The following LARGE1 variants were observed in gnomAD, a reference collection of about 807,000 sequenced individuals.
LARGE1 encodes xylosyl- and glucuronyltransferase LARGE1.
In LARGE1, 43 loss-of-function variants were observed where a neutral mutation model predicts 87.6. The observed-to-expected ratio is 0.49, with a 90% CI of 0.38 to 0.63. The LOEUF (loss-of-function observed/expected upper bound fraction) is 0.63. Among genes scored for constraint, LARGE1 ranks in the 30% least tolerant of loss-of-function variants. The pLI, the probability that LARGE1 is intolerant of heterozygous loss-of-function variation, is 0.00. For synonymous variants in LARGE1, 434 were observed against 394.6 expected, an observed-to-expected ratio of 1.10 and a Z score of -1.18; for missense variants, 802 against 1,000.2, an observed-to-expected ratio of 0.80 and a Z score of 2.67.
At chr22:33,427,119 G>A (rs1218835049) in intron 7 of LARGE1, among the ~76,000 whole-genome samples, 1 of 152,148 alleles carries the variant, frequency 6.6e-6, no homozygotes, top group East Asian at 1.9e-4. Flanking sequence ...AAAATCCTAG[G>A]TGTATTTTTG....
rs189569624 is a variant in LARGE1, at chr22:33,282,342, T to A, written c.1877+860A>T. Among the ~76,000 whole-genome samples the A allele has an allele frequency of 4.6e-3, 703 of 151,708 alleles. 5 individuals are homozygous for A. The highest frequency in any genetic ancestry group is 0.017 in the African/African-American group (679 of 41,086). ...CCTGGGCAATAAAAGCGAAGCTCTG[T>A]CTCAAAAACAAACAAACAAAACAAA... is the stretch of plus-strand genomic sequence containing the variant. On this transcript the variant is annotated intron_variant, in intron 13 of 14. Coordinates refer to ENST00000397394, the MANE Select transcript of LARGE1 (RefSeq NM_133642.5).
At chr22:33,425,898 G>A (rs983368072) in intron 7 of LARGE1, among the ~76,000 whole-genome samples, 8 of 151,966 alleles carry the variant, frequency 5.3e-5, no homozygotes, top group Non-Finnish European at 7.4e-5. Flanking sequence ...CACCATGACC[G>A]GCTAATTTAT....
chr22:33,136,152 A>G, the LARGE1 span, among the ~76,000 whole-genome samples: 11 of 152,324 alleles, frequency 7.2e-5, no homozygotes, highest in Non-Finnish European at 1.5e-4. Flanking sequence ...TTATAAACCA[A>G]AAGTTCATAT....
chr22:33,417,209 T>C (rs2066531722), intron 7 of LARGE1, among the ~76,000 whole-genome samples: 1 of 152,192 alleles, frequency 6.6e-6, no homozygotes, highest in African/African-American at 2.4e-5. Context: ...CCAGCCTTTC[T>C]TTTTAATTTC....
At chr22:33,571,253 A>G (rs1036265977) in intron 5 of LARGE1, among the ~76,000 whole-genome samples, 1 of 152,142 alleles carries the variant, frequency 6.6e-6, no homozygotes, top group Non-Finnish European at 1.5e-5. Context: ...GGGGTTGGGG[A>G]TGCTCTCAAA....
intron 1 of LARGE1, among the ~76,000 whole-genome samples, chr22:33,876,722 A>G (rs900079568): frequency 1.3e-5 from 2 of 152,076 alleles, no homozygotes; most frequent in African/African-American, 4.8e-5. Context: ...TAACACCTAG[A>G]TGACGGGTCG....
intron 6 of LARGE1, among the ~76,000 whole-genome samples, chr22:33,473,936 CCA>C (rs2068965475): frequency 6.6e-6 from 1 of 152,144 alleles, no homozygotes; most frequent in Non-Finnish European, 1.5e-5. Flanking sequence ...TCTCACCATC[CCA>C]CAGTTTGAAG....
At chr22:33,200,147 G>A (rs539514148) in intron 11 of LARGE1, among the ~76,000 whole-genome samples, 10 of 152,022 alleles carry the variant, frequency 6.6e-5, no homozygotes, top group East Asian at 1.9e-4. Flanking sequence ...GCGCCCAGCC[G>A]ACACTCTTTT....
At chr22:33,766,905 A>AACATAT (rs2084917604) in intron 1 of LARGE1, among the ~76,000 whole-genome samples, 82 of 95,202 alleles carry the variant, frequency 8.6e-4, no homozygotes, top group African/African-American at 2.1e-3. Flanking sequence ...GACTAATTTA[A>AACATAT]ACATATACAT....
At chr22:33,888,097 G>T (rs1025960659) in intron 1 of LARGE1, among the ~76,000 whole-genome samples, 3 of 152,118 alleles carry the variant, frequency 2.0e-5, no homozygotes, top group Non-Finnish European at 4.4e-5. Context: ...TCCACAGTCA[G>T]GCCCCTCTGC....
At chr22:33,657,936 T>C (rs114230005) in intron 2 of LARGE1, among the ~76,000 whole-genome samples, 2 of 147,740 alleles carry the variant, frequency 1.4e-5, no homozygotes, top group South Asian at 2.1e-4. Flanking sequence ...ATTTGACTAA[T>C]GAAAAAAAAA....
chr22:33,526,620 T>C (rs2071908563), intron 6 of LARGE1, among the ~76,000 whole-genome samples: 2 of 152,248 alleles, frequency 1.3e-5, no homozygotes, highest in Admixed American at 1.3e-4. Context: ...GAGCCTACGC[T>C]GGACAGGCGC....
chr22:33,773,489 C>T (rs966196543), intron 1 of LARGE1, among the ~76,000 whole-genome samples: 4 of 152,126 alleles, frequency 2.6e-5, no homozygotes, highest in Non-Finnish European at 4.4e-5. Context: ...GCAGTGGCCC[C>T]CTGAGGCATC....
intron 1 of LARGE1, among the ~76,000 whole-genome samples, chr22:33,914,085 C>T (rs1385119893): frequency 6.6e-6 from 1 of 152,162 alleles, no homozygotes; most frequent in Non-Finnish European, 1.5e-5. Flanking sequence ...CTCCACTTGG[C>T]TTCAACTCCC....
chr22:33,386,127 TC>T (rs2065316036), intron 7 of LARGE1, among the ~76,000 whole-genome samples: 1 of 148,842 alleles, frequency 6.7e-6, no homozygotes, highest in Non-Finnish European at 1.5e-5. Flanking sequence ...GCTGCATAGG[TC>T]CTTTGTGCTT....
the LARGE1 span, among the ~76,000 whole-genome samples, chr22:33,072,533 A>C: frequency 8.5e-5 from 13 of 152,318 alleles, no homozygotes; most frequent in East Asian, 2.3e-3. Flanking sequence ...AAACTTCACC[A>C]GAATCATTTG....
intron 3 of LARGE1, 131 bp from the exon 4 acceptor site, chr22:33,626,457 C>G: frequency 1.4e-6 from 1 of 719,770 alleles, no homozygotes; most frequent in Non-Finnish European, 2.5e-6. Flanking sequence ...AGGACACTGT[C>G]TGCAGCTGTG....
At chr22:33,710,105 G>A (rs1315888566) in intron 2 of LARGE1, among the ~76,000 whole-genome samples, 6 of 150,940 alleles carry the variant, frequency 4.0e-5, no homozygotes, top group Admixed American at 3.3e-4. Flanking sequence ...GTAGCTATAC[G>A]AGCAAAGAAC....
rs1490046712 is a variant in LARGE1, at chr22:33,284,868, C to T, written c.1731-1520G>A. On this transcript the variant is annotated intron_variant, in intron 12 of 14. Coordinates refer to ENST00000397394, the MANE Select transcript of LARGE1 (RefSeq NM_133642.5). ...GGGATTACAGGTGTGCACCACTGCG[C>T]CCGGCCAGCATGAGGCTTTTAATAA... is the stretch of plus-strand genomic sequence containing the variant. Among the ~76,000 whole-genome samples, 4 of 152,162 alleles carry T rather than the reference C, an allele frequency of 2.6e-5. No individual in the cohort carries two copies. The East Asian group carries it at 5.8e-4, about 22-fold the overall frequency.
Sources: allele counts gnomAD v4.1 joint callset (sites outside exome capture counted in the v4.1 genomes callset), GRCh38; gene constraint gnomAD v4.1.1; transcripts MANE v1.5; gene names NCBI Gene and HGNC (gene_info 2026-07-23, HGNC 2026-07-21).